KAZN: variants seen among roughly 807,000 people sequenced by gnomAD.
KAZN encodes the protein kazrin.
KAZN carries 40 observed loss-of-function variants against 87.4 expected under a neutral mutation model. The observed-to-expected ratio is 0.46, with a 90% confidence interval of 0.36 to 0.60. The LOEUF (loss-of-function observed/expected upper bound fraction) is 0.60, where lower values mean the gene tolerates loss of function less well. Ranked by LOEUF, KAZN falls within the 20% of genes least tolerant of loss-of-function variation. KAZN has a pLI of 0.00. For synonymous variants in KAZN, 466 were observed against 458.3 expected, an observed-to-expected ratio of 1.02 and a Z score of -0.22; for missense variants, 898 against 1,073.9, an observed-to-expected ratio of 0.84 and a Z score of 2.29.
At chr1:14,305,392 G>A (rs571589644) in intron 2 of KAZN, among the ~76,000 whole-genome samples, 136 of 152,206 alleles carry the variant, frequency 8.9e-4, no homozygotes, top group Non-Finnish European at 1.7e-3. Context: ...CATTTTTAGG[G>A]AGTGAAGATC....
chr1:14,277,674 A>G (rs1026191905), intron 2 of KAZN, among the ~76,000 whole-genome samples: 7 of 151,586 alleles, frequency 4.6e-5, no homozygotes, highest in East Asian at 1.9e-4. Flanking sequence ...AAAAAAAAAA[A>G]AAAGAAAAAA....
intron 3 of KAZN, among the ~76,000 whole-genome samples, chr1:15,041,330 T>C (rs1269244828): frequency 3.8e-5 from 4 of 104,706 alleles, no homozygotes; most frequent in Non-Finnish European, 7.6e-5. Flanking sequence ...GCATTTTTTT[T>C]CTTTTTTTTT....
At chr1:14,676,427 C>CGTT (rs397964823) in intron 1 of KAZN, among the ~76,000 whole-genome samples, 1 of 151,608 alleles carries the variant, frequency 6.6e-6, no homozygotes, top group East Asian at 1.9e-4. Context: ...CACTTCACGT[C>CGTT]CCTGAGCCTC....
In KAZN at chr1:15,100,917, G is replaced by A. The variant is rs191938706; in HGVS notation, c.1548-626G>A. 1.1e-4 allele frequency among the ~76,000 whole-genome samples: 16 copies of A among 152,232 alleles called. No homozygotes were observed. The East Asian group carries it at 1.2e-3, about 11-fold the overall frequency. On this transcript the variant is annotated intron_variant, in intron 10 of 14. Transcript: ENST00000376030. ...ACCGCAGAGCACTGGGGAGGGATGCGCCGATCAGGTGGGCCAAGCCCAGGC... is the reference window on the plus strand; with the variant it reads ...ACCGCAGAGCACTGGGGAGGGATGCACCGATCAGGTGGGCCAAGCCCAGGC...
At chr1:15,084,388 T>G (rs1640152959) in intron 8 of KAZN, among the ~76,000 whole-genome samples, 1 of 152,158 alleles carries the variant, frequency 6.6e-6, no homozygotes, top group Non-Finnish European at 1.5e-5. Flanking sequence ...GAAGACATAT[T>G]CGGAAGGGCC....
intron 8 of KAZN, chr1:15,068,200 G>A (rs1573243167): frequency 1.7e-6 from 1 of 599,234 alleles, no homozygotes; most frequent in Non-Finnish European, 2.1e-6. Flanking sequence ...CGGGTGGGAG[G>A]CTCTGCCCCT....
intron 2 of KAZN, among the ~76,000 whole-genome samples, chr1:15,002,629 G>A (rs1026993830): frequency 6.6e-6 from 1 of 152,116 alleles, no homozygotes. Flanking sequence ...ATCTTGCCAA[G>A]TACTGTCCTG....
chr1:14,918,381 C>T (rs1168012726), intron 1 of KAZN, among the ~76,000 whole-genome samples: 2 of 151,914 alleles, frequency 1.3e-5, no homozygotes, highest in East Asian at 3.9e-4. Flanking sequence ...AGTTCAATAT[C>T]CTGGGAGGAA....
intron 1 of KAZN, among the ~76,000 whole-genome samples, chr1:14,646,507 A>C (rs1330355872): frequency 6.6e-6 from 1 of 152,206 alleles, no homozygotes; most frequent in Non-Finnish European, 1.5e-5. Context: ...TCTGTACCTC[A>C]TTTACCAAGG....
At chr1:14,475,834 T>C (rs1394092895) in intron 2 of KAZN, among the ~76,000 whole-genome samples, 1 of 151,014 alleles carries the variant, frequency 6.6e-6, no homozygotes, top group East Asian at 1.9e-4. Flanking sequence ...CTAAATAATT[T>C]TGTGGGATTT....
chr1:14,740,320 A>C (rs1167552437), intron 1 of KAZN, among the ~76,000 whole-genome samples: 1 of 152,210 alleles, frequency 6.6e-6, no homozygotes, highest in Non-Finnish European at 1.5e-5. Context: ...AAACCGATGC[A>C]GAGAAAACTT....
intron 2 of KAZN, among the ~76,000 whole-genome samples, chr1:14,376,123 T>A (rs1660898920): frequency 6.6e-6 from 1 of 152,096 alleles, no homozygotes; most frequent in African/African-American, 2.4e-5. Context: ...TGAGGGAGAA[T>A]ACCAACTGAT....
At chr1:14,155,654 C>T (rs1425566426) in intron 1 of KAZN, among the ~76,000 whole-genome samples, 3 of 151,358 alleles carry the variant, frequency 2.0e-5, no homozygotes, top group East Asian at 3.9e-4. Context: ...TCTTCTTCTT[C>T]TTCTTCTTTT....
At chr1:14,354,793 C>T (rs1658875298) in intron 2 of KAZN, among the ~76,000 whole-genome samples, 2 of 152,016 alleles carry the variant, frequency 1.3e-5, no homozygotes, top group South Asian at 4.1e-4. Flanking sequence ...TGAAAACTAG[C>T]ATGTTCTTAA....
Position 13,995,219 on chromosome 1 carries a change from C to CAAAAAAAAAAAAAAAAAAAAAAA in KAZN, c.91+101479_91+101480insAAAAAAAAAAAAAAAAAAAAAAA, listed in dbSNP as rs113600200. ...GGAAGTCTTAGACAGTGCAATAAGG[C>CAAAAAAAAAAAAAAAAAAAAAAA]AAAAAAAAAAAAAAAATCCTAATGA... is the stretch of plus-strand genomic sequence containing the variant. On this transcript the variant is annotated intron_variant, in intron 1 of 16. Transcript: ENST00000636203. 1.1e-4 allele frequency among the ~76,000 whole-genome samples: 12 copies of CAAAAAAAAAAAAAAAAAAAAAAA among 107,362 alleles called. 1 individual carries two copies. Among genetic ancestry groups the CAAAAAAAAAAAAAAAAAAAAAAA allele is most frequent in the Non-Finnish European group, 1.8e-4 (9 of 50,174 alleles). The allele number at this position is 107,362 out of a possible 152,430, so 70.4% of individuals were successfully genotyped here.
At position 15,096,890 on chromosome 1, in the gene KAZN, G is replaced by A. The variant is rs1640830790; in HGVS notation, c.1547+1957G>A. On this transcript the variant is annotated intron_variant, in intron 10 of 14. Coordinates refer to ENST00000376030, the MANE Select transcript of KAZN (RefSeq NM_201628.3). This position sits in a 1 kb window ranked among gnomAD's most constrained non-coding sequence, Gnocchi z 4.5. ...GATTTCAGCATGTGAATTGGGTGGG[G>A]GGCATGGCAGAGGGAAACATTTAAT... Among the ~76,000 whole-genome samples, 1 of 152,164 alleles carries A rather than the reference G, an allele frequency of 6.6e-6. No individual in the cohort carries two copies. Among genetic ancestry groups the A allele is most frequent in the African/African-American group, 2.4e-5 (1 of 41,432 alleles).
intron 1 of KAZN, among the ~76,000 whole-genome samples, chr1:13,993,127 G>T (rs1570472996): frequency 2.0e-5 from 3 of 152,262 alleles, no homozygotes; most frequent in East Asian, 1.9e-4. Context: ...CAAAGTCAAT[G>T]CACAGTTTGC....
intron 2 of KAZN, among the ~76,000 whole-genome samples, chr1:14,981,599 A>G (rs1666258046): frequency 6.6e-6 from 1 of 152,238 alleles, no homozygotes; most frequent in Non-Finnish European, 1.5e-5. Context: ...AAGCAGAGAG[A>G]TGCCTCCTCC....
At chr1:15,059,364 G>A (rs1638581380) in intron 5 of KAZN, among the ~76,000 whole-genome samples, 1 of 152,234 alleles carries the variant, frequency 6.6e-6, no homozygotes, top group Non-Finnish European at 1.5e-5. Context: ...GAATGGCAGA[G>A]ACCAAGGCAG....
Sources: allele counts gnomAD v4.1 joint callset (sites outside exome capture counted in the v4.1 genomes callset), GRCh38; gene constraint gnomAD v4.1.1; non-coding constraint Gnocchi (gnomAD v3.1); transcripts MANE v1.5; gene names NCBI Gene and HGNC (gene_info 2026-07-23, HGNC 2026-07-21).